ARHGAP28: variants seen among roughly 807,000 people sequenced by gnomAD.
ARHGAP28 encodes Rho GTPase activating protein 28.
In ARHGAP28, 56 loss-of-function variants were observed where a neutral mutation model predicts 90.7. That is an observed-to-expected ratio of 0.62 (90% CI 0.50 to 0.77). The LOEUF is 0.77. Among genes scored for constraint, ARHGAP28 ranks in the 30% least tolerant of loss-of-function variants. The pLI is 0.00. For missense variants in ARHGAP28, 869 were observed against 900.9 expected (o/e 0.96, Z 0.45); for synonymous variants, 308 against 323.3 (o/e 0.95, Z 0.51).
At chr18:6,901,199 A>T (rs983583537) in intron 16 of ARHGAP28, among the ~76,000 whole-genome samples, 4 of 152,248 alleles carry the variant, frequency 2.6e-5, no homozygotes, top group Admixed American at 1.3e-4. Context: ...AAAGGAGAGG[A>T]GAACATCAGA....
At chr18:6,871,168 C>T (rs2057085845) in intron 7 of ARHGAP28, among the ~76,000 whole-genome samples, 1 of 152,214 alleles carries the variant, frequency 6.6e-6, no homozygotes, top group Admixed American at 6.5e-5. Context: ...ACACTGCTCA[C>T]ACTACCATTG....
intron 1 of ARHGAP28, among the ~76,000 whole-genome samples, chr18:6,785,437 T>C (rs1435859922): frequency 2.0e-5 from 3 of 152,226 alleles, no homozygotes; most frequent in Non-Finnish European, 4.4e-5. Flanking sequence ...GGGTTCCTTC[T>C]TTCCACCTCC....
At chr18:6,824,713 A>G in intron 1 of ARHGAP28, 49 bp from the exon 2 acceptor site, 1 of 1,429,424 alleles carries the variant, frequency 7.0e-7, no homozygotes, top group Non-Finnish European at 9.3e-7. Flanking sequence ...TGGCTTTATA[A>G]CATAAAAATA....
chr18:6,780,816 C>T (rs1190227334), intron 1 of ARHGAP28, among the ~76,000 whole-genome samples: 2 of 150,746 alleles, frequency 1.3e-5, no homozygotes, highest in Non-Finnish European at 2.9e-5. Flanking sequence ...CTCTTGAACC[C>T]GGGAGGTGGA....
At chr18:6,730,940 A>G (rs1252170282) in intron 1 of ARHGAP28, among the ~76,000 whole-genome samples, 1 of 152,138 alleles carries the variant, frequency 6.6e-6, no homozygotes, top group African/African-American at 2.4e-5. Context: ...ATTGATTGTG[A>G]TTTTAATTGA....
intron 4 of ARHGAP28, among the ~76,000 whole-genome samples, chr18:6,857,466 A>T (rs1032597370): frequency 6.6e-6 from 1 of 152,240 alleles, no homozygotes; most frequent in Non-Finnish European, 1.5e-5. Flanking sequence ...ATGTGTGGCA[A>T]TCTGTGATGC....
At chr18:6,730,186 T>C (rs977257334) in intron 1 of ARHGAP28, 4 of 322,890 alleles carry the variant, frequency 1.2e-5, no homozygotes, top group African/African-American at 1.0e-4. Context: ...AGCAGCAGGA[T>C]TGCATTCTTG....
chr18:6,759,296 A>G (rs942387529), intron 1 of ARHGAP28, among the ~76,000 whole-genome samples: 2 of 22,836 alleles, frequency 8.8e-5, no homozygotes, highest in African/African-American at 1.7e-4. Context: ...AAGTGTAATC[A>G]AAAGGCAAGC....
At chr18:6,894,566 CAT>C (rs2057291006) in intron 14 of ARHGAP28, among the ~76,000 whole-genome samples, 1 of 152,206 alleles carries the variant, frequency 6.6e-6, no homozygotes. Context: ...TCAGCAGTCT[CAT>C]ATTGGTGAAC....
intron 2 of ARHGAP28, among the ~76,000 whole-genome samples, chr18:6,833,555 A>G (rs946689257): frequency 1.3e-5 from 2 of 152,032 alleles, no homozygotes; most frequent in African/African-American, 4.8e-5. Context: ...GCTCCTCTAC[A>G]TCAGACAAGT....
intron 3 of ARHGAP28, among the ~76,000 whole-genome samples, chr18:6,838,961 T>G (rs8099414): frequency 2.0e-5 from 3 of 152,048 alleles, no homozygotes; most frequent in Non-Finnish European, 2.9e-5. Flanking sequence ...ATTTTTGTAT[T>G]TTTCATCTGA....
intron 5 of ARHGAP28, among the ~76,000 whole-genome samples, chr18:6,862,677 A>G (rs2057007996): frequency 6.6e-6 from 1 of 152,308 alleles, no homozygotes; most frequent in East Asian, 1.9e-4. Context: ...GAAAAAGGCT[A>G]TGACTACCTC....
Position 6,884,201 on chromosome 18 carries a change from C to T in ARHGAP28, c.1453+1902C>T, listed in dbSNP as rs191245127. 2.8e-3 allele frequency among the ~76,000 whole-genome samples: 429 copies of T among 152,034 alleles called. 3 individuals are homozygous for T. The highest frequency in any genetic ancestry group is 9.3e-3 in the African/African-American group (387 of 41,434). ...TATCCTGGCTAACAAGGTGAAACCC[C>T]GTCTCTACTAAAAATACAAAAAATT... On this transcript the variant is annotated intron_variant, in intron 11 of 17. Transcript: ENST00000383472.
chr18:6,901,871 G>A (rs1386138541), intron 16 of ARHGAP28, among the ~76,000 whole-genome samples: 1 of 152,294 alleles, frequency 6.6e-6, no homozygotes, highest in East Asian at 1.9e-4. Context: ...CAGCAGGGTT[G>A]ATTCCTTCTA....
chr18:6,777,559 C>G (rs373616980), intron 1 of ARHGAP28, among the ~76,000 whole-genome samples: 1 of 151,814 alleles, frequency 6.6e-6, no homozygotes, highest in East Asian at 1.9e-4. Context: ...CACATGTCTA[C>G]GAAAAGTTTT....
intron 1 of ARHGAP28, among the ~76,000 whole-genome samples, chr18:6,757,318 A>AG (rs764376333): frequency 2.0e-5 from 3 of 152,176 alleles, no homozygotes; most frequent in Non-Finnish European, 4.4e-5. Context: ...AATAGGGGGC[A>AG]GGGCAGTGTT....
intron 1 of ARHGAP28, among the ~76,000 whole-genome samples, chr18:6,805,211 G>A (rs1028908095): frequency 2.3e-4 from 35 of 152,206 alleles, no homozygotes; most frequent in Non-Finnish European, 3.7e-4. Context: ...AGTTTTTGCT[G>A]TATTTGTTTT....
At chr18:6,795,886 G>A (rs180819661) in intron 1 of ARHGAP28, among the ~76,000 whole-genome samples, 17 of 152,346 alleles carry the variant, frequency 1.1e-4, no homozygotes, top group Non-Finnish European at 1.8e-4. Flanking sequence ...CATCCCAAGG[G>A]AAGTTTTAAA....
chr18:6,872,419 G>A (rs1324130063), intron 7 of ARHGAP28, among the ~76,000 whole-genome samples: 1 of 152,104 alleles, frequency 6.6e-6, no homozygotes, highest in Non-Finnish European at 1.5e-5. Context: ...AGGTTCCAAG[G>A]AGCAATTATT....
Sources: allele counts gnomAD v4.1 joint callset (sites outside exome capture counted in the v4.1 genomes callset), GRCh38; gene constraint gnomAD v4.1.1; transcripts MANE v1.5; gene names NCBI Gene and HGNC (gene_info 2026-07-23, HGNC 2026-07-21).